Variants in PIP5K1B observed in about 807,000 individuals in gnomAD.
PIP5K1B encodes phosphatidylinositol 4-phosphate 5-kinase type-1 beta.
PIP5K1B carries 42 observed loss-of-function variants against 67.0 expected under a neutral mutation model. That is an observed-to-expected ratio of 0.63 (90% CI 0.49 to 0.81). The LOEUF is 0.81. Ranked by LOEUF, PIP5K1B falls within the 30% of genes least tolerant of loss-of-function variation. The pLI, the probability that PIP5K1B is intolerant of heterozygous loss-of-function variation, is 0.00. For missense variants in PIP5K1B, 459 were observed against 646.3 expected (o/e 0.71, Z 3.14); for synonymous variants, 214 against 231.4 (o/e 0.92, Z 0.68).
At chr9:68,957,033 C>T (rs1188208211) in intron 14 of PIP5K1B, among the ~76,000 whole-genome samples, 1 of 152,156 alleles carries the variant, frequency 6.6e-6, no homozygotes, top group Non-Finnish European at 1.5e-5. Flanking sequence ...TACTTAAAGT[C>T]CAGGTATATG....
rs191297284 is a variant in PIP5K1B, at chr9:68,792,887, C to G, written c.-85-25574C>G. On this transcript the variant is annotated intron_variant, in intron 2 of 15. Transcript: ENST00000265382. ...TGAGACTAGAAATTCATTCATTAAG[C>G]GATGTTGATTAAAGCACTGATTATG... Among the ~76,000 whole-genome samples the G allele has an allele frequency of 1.5e-3, 221 of 152,226 alleles. 1 individual carries two copies. The highest frequency in any genetic ancestry group is 5.1e-3 in the African/African-American group (211 of 41,546).
chr9:68,760,467 T>C (rs1830134663), intron 2 of PIP5K1B, among the ~76,000 whole-genome samples: 1 of 152,120 alleles, frequency 6.6e-6, no homozygotes, highest in African/African-American at 2.4e-5. Context: ...GTGGTGTTTC[T>C]CATTAGCTGC....
At chr9:68,962,497 C>A (rs1828805902) in intron 14 of PIP5K1B, among the ~76,000 whole-genome samples, 1 of 152,156 alleles carries the variant, frequency 6.6e-6, no homozygotes, top group Admixed American at 6.5e-5. Context: ...ATTCTGACTG[C>A]CTCATAAAGA....
At chr9:68,882,516 T>C (rs1190231249) in intron 6 of PIP5K1B, among the ~76,000 whole-genome samples, 1 of 151,122 alleles carries the variant, frequency 6.6e-6, no homozygotes. Flanking sequence ...TGTCACTGCA[T>C]TTTTTTTTAA....
chr9:68,912,195 A>T (rs566333907), intron 8 of PIP5K1B, among the ~76,000 whole-genome samples: 1 of 152,028 alleles, frequency 6.6e-6, no homozygotes, highest in South Asian at 2.1e-4. Context: ...CCTTATTACA[A>T]TGTGTAATTC....
intron 8 of PIP5K1B, among the ~76,000 whole-genome samples, chr9:68,913,046 A>G (rs1362405482): frequency 1.3e-5 from 2 of 152,160 alleles, no homozygotes; most frequent in Non-Finnish European, 2.9e-5. Context: ...TTTGACATTG[A>G]CTTTGACATT....
At chr9:68,886,168 G>A (rs1277246945) in intron 6 of PIP5K1B, among the ~76,000 whole-genome samples, 1 of 151,540 alleles carries the variant, frequency 6.6e-6, no homozygotes, top group Non-Finnish European at 1.5e-5. Context: ...GTCAGAGCGA[G>A]ACTCCGTCTG....
intron 14 of PIP5K1B, among the ~76,000 whole-genome samples, chr9:68,980,571 G>A (rs1829845562): frequency 6.6e-6 from 1 of 152,210 alleles, no homozygotes; most frequent in Non-Finnish European, 1.5e-5. Context: ...ATCCCAAAGA[G>A]CTTTACCCTC....
intron 2 of PIP5K1B, among the ~76,000 whole-genome samples, chr9:68,817,688 C>T (rs1411740113): frequency 6.8e-6 from 1 of 147,296 alleles, no homozygotes. Context: ...GGCTATCGCA[C>T]GGTGGGGGAG....
At chr9:68,777,599 T>C (rs1306252635) in intron 2 of PIP5K1B, among the ~76,000 whole-genome samples, 2 of 152,118 alleles carry the variant, frequency 1.3e-5, no homozygotes, top group African/African-American at 4.8e-5. Context: ...AGGACAAGGG[T>C]AGAAACTGGG....
intron 4 of PIP5K1B, among the ~76,000 whole-genome samples, chr9:68,823,399 C>G (rs1193699917): frequency 1.3e-5 from 2 of 152,192 alleles, no homozygotes; most frequent in South Asian, 2.1e-4. Context: ...CTTTAATGGA[C>G]TCACTACTTT....
chr9:68,754,116 A>G (rs1480237729), intron 2 of PIP5K1B, among the ~76,000 whole-genome samples: 1 of 151,356 alleles, frequency 6.6e-6, no homozygotes, highest in East Asian at 1.9e-4. Flanking sequence ...AAGCTTTAAC[A>G]TTCAGCAGGA....
chr9:68,745,917 A>G (rs1361832034), intron 2 of PIP5K1B, among the ~76,000 whole-genome samples: 1 of 152,192 alleles, frequency 6.6e-6, no homozygotes, highest in Non-Finnish European at 1.5e-5. Flanking sequence ...CTCACATCAA[A>G]TGGTAAGCCC....
At chr9:68,865,589 G>A (rs911607126) in intron 5 of PIP5K1B, among the ~76,000 whole-genome samples, 6 of 152,286 alleles carry the variant, frequency 3.9e-5, no homozygotes, top group African/African-American at 9.6e-5. Flanking sequence ...GTATAAAGAC[G>A]TTCCATGTGC....
intron 12 of PIP5K1B, among the ~76,000 whole-genome samples, chr9:68,926,916 A>G (rs182880691): frequency 6.4e-4 from 98 of 152,138 alleles, no homozygotes; most frequent in African/African-American, 2.2e-3. Context: ...AAGAAACCCC[A>G]TACCCATTAG....
chr9:68,914,681 C>G (rs1490072141), intron 8 of PIP5K1B, among the ~76,000 whole-genome samples: 1 of 151,960 alleles, frequency 6.6e-6, no homozygotes, highest in Non-Finnish European at 1.5e-5. Flanking sequence ...CACCACTGCA[C>G]TCCAGCCTGG....
At chr9:68,830,940 T>G (rs116886070) in intron 4 of PIP5K1B, among the ~76,000 whole-genome samples, 1,645 of 152,304 alleles carry the variant, frequency 0.011, 7 homozygotes, top group Non-Finnish European at 0.016. Context: ...GCTCATCCAC[T>G]TTCACCACTC....
intron 6 of PIP5K1B, among the ~76,000 whole-genome samples, chr9:68,886,660 G>A (rs544096083): frequency 6.6e-6 from 1 of 152,196 alleles, no homozygotes; most frequent in Non-Finnish European, 1.5e-5. Flanking sequence ...GCGGAACCAG[G>A]AAGAGTTTTC....
chr9:68,939,304 T>C (rs1267502323), intron 13 of PIP5K1B, among the ~76,000 whole-genome samples: 4 of 152,208 alleles, frequency 2.6e-5, no homozygotes, highest in African/African-American at 9.6e-5. Flanking sequence ...ACTCAGGCCA[T>C]GTCTACTTTG....
Sources: allele counts gnomAD v4.1 joint callset (sites outside exome capture counted in the v4.1 genomes callset), GRCh38; gene constraint gnomAD v4.1.1; transcripts MANE v1.5; gene names NCBI Gene and HGNC (gene_info 2026-07-23, HGNC 2026-07-21).